The following RUFY4 variants were observed in gnomAD, a reference collection of about 807,000 sequenced individuals.
RUFY4 encodes the protein RUN and FYVE domain-containing protein 4.
In RUFY4, 73 loss-of-function variants were observed where a neutral mutation model predicts 69.0. The observed-to-expected ratio is 1.06, with a 90% CI of 0.88 to 1.29. RUFY4 has a LOEUF of 1.29. RUFY4 is among the 50% of genes most tolerant of loss of function. The pLI, the probability that RUFY4 is intolerant of heterozygous loss-of-function variation, is 0.00. For missense variants in RUFY4, 770 were observed against 705.6 expected (o/e 1.09, Z -1.03); for synonymous variants, 287 against 271.8 (o/e 1.06, Z -0.55).
chr2:218,084,454 A>G (rs957235443), intron 9 of RUFY4, among the ~76,000 whole-genome samples: 1 of 151,468 alleles, frequency 6.6e-6, no homozygotes, highest in African/African-American at 2.4e-5. Context: ...CTGGTCTTGA[A>G]CTCCTGACCA....
intron 2 of RUFY4, among the ~76,000 whole-genome samples, chr2:218,052,558 T>G (rs1688967908): frequency 6.6e-6 from 1 of 152,128 alleles, no homozygotes; most frequent in Non-Finnish European, 1.5e-5. Flanking sequence ...GGCTTTTCTT[T>G]ATCTTTTAAG....
chr2:218,048,206 CT>C (rs1427228939), intron 2 of RUFY4, among the ~76,000 whole-genome samples: 3 of 152,216 alleles, frequency 2.0e-5, no homozygotes, highest in African/African-American at 7.2e-5. Context: ...TGATATTGAG[CT>C]TTTTTTACAC....
At chr2:218,071,249 A>G (rs1042920418) in intron 2 of RUFY4, among the ~76,000 whole-genome samples, 1 of 151,986 alleles carries the variant, frequency 6.6e-6, no homozygotes, top group African/African-American at 2.4e-5. Flanking sequence ...GCTTTATGCA[A>G]TCCTCACTCT....
At chr2:218,071,616 G>A (rs76766055) in intron 2 of RUFY4, among the ~76,000 whole-genome samples, 2,750 of 151,990 alleles carry the variant, frequency 0.018, 86 homozygotes, top group African/African-American at 0.063. Flanking sequence ...ACCCCAGGTC[G>A]GCCCGAGGGG....
At chr2:218,060,383 A>G in intron 3 of RUFY4, 1 of 1,550,996 alleles carries the variant, frequency 6.4e-7, no homozygotes, top group East Asian at 2.2e-5. Context: ...CCAACAAAGG[A>G]AGGCCTGCTG....
At chr2:218,041,623 A>C (rs781389842) in intron 2 of RUFY4, among the ~76,000 whole-genome samples, 8 of 152,200 alleles carry the variant, frequency 5.3e-5, no homozygotes, top group Non-Finnish European at 1.0e-4. Flanking sequence ...ACAATTATAC[A>C]GCTGCTTTAT....
intron 8 of RUFY4, among the ~76,000 whole-genome samples, chr2:218,076,743 C>A (rs925384516): frequency 1.3e-5 from 2 of 152,128 alleles, no homozygotes; most frequent in Non-Finnish European, 2.9e-5. Flanking sequence ...TCGTAGGTCT[C>A]CCAGAGCAGG....
chr2:218,089,744 G>C, intron 10 of RUFY4: 1 of 704,720 alleles, frequency 1.4e-6, no homozygotes, highest in Non-Finnish European at 2.6e-6. Flanking sequence ...CTGCCATGTG[G>C]AGGTGGAGGC....
intron 2 of RUFY4, among the ~76,000 whole-genome samples, chr2:218,055,517 G>A (rs76404008): frequency 0.018 from 2,789 of 152,278 alleles, 51 homozygotes; most frequent in East Asian, 0.096. Context: ...AGTAAAAATT[G>A]GGATGTCTAG....
At chr2:218,046,098 C>T (rs563086891) in intron 2 of RUFY4, among the ~76,000 whole-genome samples, 1 of 152,154 alleles carries the variant, frequency 6.6e-6, no homozygotes, top group South Asian at 2.1e-4. Context: ...AGCCACCGAG[C>T]CCAGCCCATA....
intron 7 of RUFY4, among the ~76,000 whole-genome samples, chr2:218,076,166 A>G (rs1689626943): frequency 6.6e-6 from 1 of 152,174 alleles, no homozygotes; most frequent in African/African-American, 2.4e-5. Flanking sequence ...ATTGTCACCA[A>G]GCCTCCCTTC....
At chr2:218,080,493 C>T (rs1689736293) in intron 8 of RUFY4, among the ~76,000 whole-genome samples, 1 of 152,198 alleles carries the variant, frequency 6.6e-6, no homozygotes, top group South Asian at 2.1e-4. Flanking sequence ...TCTGCCCTCT[C>T]TGGGCCTCAG....
intron 2 of RUFY4, among the ~76,000 whole-genome samples, chr2:218,041,096 T>A (rs1478350695): frequency 6.6e-6 from 1 of 152,086 alleles, no homozygotes; most frequent in Non-Finnish European, 1.5e-5. Flanking sequence ...GAATTGATGA[T>A]AGGATGTTCC....
upstream of RUFY4, among the ~76,000 whole-genome samples, chr2:218,068,203 G>C (rs1200296175): frequency 6.7e-6 from 1 of 150,250 alleles, no homozygotes; most frequent in Non-Finnish European, 1.5e-5. Flanking sequence ...AGGAGGGCAG[G>C]GGGCTGGAGG....
At chr2:218,090,082 C>T (rs1476026789) in exon 11 of RUFY4, 5 of 1,422,808 alleles carry the variant, frequency 3.5e-6, no homozygotes, top group Non-Finnish European at 4.8e-6. Flanking sequence ...CCATGACTGG[C>T]CTCCCACCTG....
upstream of RUFY4, among the ~76,000 whole-genome samples, chr2:218,067,309 A>G (rs1689363362): frequency 6.6e-6 from 1 of 152,350 alleles, no homozygotes; most frequent in East Asian, 1.9e-4. Context: ...GGAGGGCTCC[A>G]GGAGAGCCAG....
chr2:218,081,769 C>A (rs1376769012), intron 8 of RUFY4, among the ~76,000 whole-genome samples: 1 of 152,224 alleles, frequency 6.6e-6, no homozygotes, highest in Non-Finnish European at 1.5e-5. Context: ...GCCTGAGCAC[C>A]AGAACGCTCT....
At chr2:218,035,218 G>T (rs923880450) in intron 1 of RUFY4, 1 of 152,228 alleles carries the variant, frequency 6.6e-6, no homozygotes, top group Non-Finnish European at 1.5e-5. Context: ...AACTTACGGG[G>T]ATAGAAGGAG....
chr2:218,062,015 C>T (rs1403933344), intron 3 of RUFY4, among the ~76,000 whole-genome samples: 1 of 152,156 alleles, frequency 6.6e-6, no homozygotes, highest in Admixed American at 6.5e-5. Flanking sequence ...ATAGAAGAAT[C>T]TTCAGTTAAT....
Sources: gnomAD v4.1 joint callset for allele counts (sites outside exome capture counted in the v4.1 genomes callset) on GRCh38, gnomAD v4.1.1 for gene constraint, MANE v1.5 for transcripts, NCBI Gene and HGNC (gene_info 2026-07-23, HGNC 2026-07-21) for gene names.